The following DPP6 variants were observed in gnomAD, a reference collection of about 807,000 sequenced individuals.
DPP6 encodes A-type potassium channel modulatory protein DPP6.
Under a neutral mutation model 122.6 loss-of-function variants are expected in DPP6, and 69 were observed. That is an observed-to-expected ratio of 0.56 (90% CI 0.46 to 0.69). DPP6 has a LOEUF of 0.69. Ranked by LOEUF, DPP6 falls within the 30% of genes least tolerant of loss-of-function variation. The pLI is 0.00. For synonymous variants in DPP6, 418 were observed against 433.1 expected, an observed-to-expected ratio of 0.97 and a Z score of 0.43; for missense variants, 928 against 1,116.9, an observed-to-expected ratio of 0.83 and a Z score of 2.41.
rs138958405 is a variant in DPP6 at position 153,960,702 on chromosome 7, T to TGAATGTGC, written c.51+72975_51+72976insCGAATGTG. 3.9e-3 allele frequency among the ~76,000 whole-genome samples: 492 copies of TGAATGTGC among 124,924 alleles called. 2 individuals carry two copies. The highest frequency in any genetic ancestry group is 0.015 in the African/African-American group (482 of 32,366). The allele number at this position is 124,924 out of a possible 152,430, so 82.0% of individuals were successfully genotyped here. A position where few individuals can be genotyped will look rare whatever the true frequency, so the allele number is the denominator to read the frequency against. ...GTGTACATGCGTGTGCATGTGTGTG[T>TGAATGTGC]GAATGTGTGTGCATGCGTGTGTGTG... On this transcript the variant is annotated intron_variant, in intron 1 of 25. Transcript: ENST00000404039.
In DPP6 at chr7:154,127,349, C is replaced by G. The variant is rs375041659; in HGVS notation, c.243+74286C>G. Among the ~76,000 whole-genome samples, 9 of 152,100 alleles carry G rather than the reference C, an allele frequency of 5.9e-5. No individual in the cohort carries two copies. In the East Asian group the frequency reaches 9.6e-4, roughly 16 times the overall value. ...GAATACATTGCATTTGTTTTAGGTA[C>G]AGATAAGAGGCATTTTAGGTATAGA... On this transcript the variant is annotated intron_variant, in intron 1 of 25. Coordinates refer to ENST00000377770, the MANE Select transcript of DPP6 (RefSeq NM_130797.4).
chr7:154,891,077 A>G (rs1370691477), intron 25 of DPP6: 1 of 152,156 alleles, frequency 6.6e-6, no homozygotes. Context: ...AAAAGTTTTT[A>G]GAAAATAGCC....
rs79899331 is a variant in DPP6 at position 154,391,755 on chromosome 7, G to C, written c.244-54459G>C. The stretch of plus-strand genomic sequence containing the variant: ...ATGGTGAGGATAAAGTGTGGGTGCT[G>C]ATGAAGGCAGGATAGTGACCTGATG... On this transcript the variant is annotated intron_variant, in intron 1 of 25. Transcript: ENST00000377770. Among the ~76,000 whole-genome samples, 635 of 152,278 alleles carry C rather than the reference G, an allele frequency of 4.2e-3. 4 individuals are homozygous for C. Among genetic ancestry groups the C allele is most frequent in the African/African-American group, 0.014 (595 of 41,548 alleles).
intron 1 of DPP6, among the ~76,000 whole-genome samples, chr7:154,082,234 C>T (rs1242084024): frequency 6.6e-6 from 1 of 152,102 alleles, no homozygotes; most frequent in Non-Finnish European, 1.5e-5. Context: ...ATACTTTCAC[C>T]TGCCTGAGTT....
At position 154,062,977 on chromosome 7, in the gene DPP6, G is replaced by A. The variant is rs1191660634; in HGVS notation, c.243+9914G>A. Among the ~76,000 whole-genome samples the A allele has an allele frequency of 9.2e-5, 12 of 130,974 alleles. 2 individuals are homozygous for A. The highest frequency in any genetic ancestry group is 2.8e-4 in the South Asian group (1 of 3,576). The allele number at this position is 130,974 out of a possible 152,430, so 85.9% of individuals were successfully genotyped here. On this transcript the variant is annotated intron_variant, in intron 1 of 25. Transcript: ENST00000377770. ...AATCTTCCGACGGCAGGTACCTTAC[G>A]TGGAATTACTGAGAGCCAGTCCCTC...
intron 6 of DPP6, among the ~76,000 whole-genome samples, chr7:154,652,373 C>G (rs1387381827): frequency 1.4e-5 from 2 of 146,392 alleles, no homozygotes; most frequent in Non-Finnish European, 3.0e-5. Context: ...CTGTATTTTT[C>G]TTTAGTCTAA....
In DPP6 at chr7:153,944,584, G is replaced by T. The variant is rs1801852098; in HGVS notation, c.51+56850G>T. 2.6e-5 allele frequency among the ~76,000 whole-genome samples: 4 copies of T among 152,088 alleles called. 1 individual carries two copies. The highest frequency in any genetic ancestry group is 4.1e-4 in the South Asian group (2 of 4,822). The stretch of plus-strand genomic sequence containing the variant: ...GTGCCAGCACACAAGGAGGAGGCGG[G>T]TGTGGTGGGAGGCCTCACAACACAC... On this transcript the variant is annotated intron_variant, in intron 1 of 25. Coordinates refer to the DPP6 transcript ENST00000404039.
At chr7:154,684,811 G>A (rs1414019327) in intron 7 of DPP6, among the ~76,000 whole-genome samples, 1 of 152,252 alleles carries the variant, frequency 6.6e-6, no homozygotes, top group Non-Finnish European at 1.5e-5. Context: ...TGACTGTTTA[G>A]TGGAACTTGA....
chr7:153,938,395 T>C (rs557593667), intron 1 of DPP6, among the ~76,000 whole-genome samples: 6 of 152,288 alleles, frequency 3.9e-5, no homozygotes, highest in African/African-American at 1.4e-4. Context: ...ACTGAAATCC[T>C]TTTAGGAAAA....
In DPP6 at chr7:154,154,729, A is replaced by G. The variant is rs529795099; in HGVS notation, c.243+101666A>G. Among the ~76,000 whole-genome samples, 5 of 152,366 alleles carry G rather than the reference A, an allele frequency of 3.3e-5. No homozygotes were observed. The South Asian group carries it at 1.0e-3, about 32-fold the overall frequency. On this transcript the variant is annotated intron_variant, in intron 1 of 25. Coordinates refer to ENST00000377770, the MANE Select transcript of DPP6 (RefSeq NM_130797.4). The stretch of plus-strand genomic sequence containing the variant: ...CAAATATCTCCTAAGAAATGGCCAT[A>G]GAATGTATGAGATTTCTTTTTAAAA...
chr7:154,530,026 T>C lies in DPP6; in HGVS notation c.458-10506T>C, dbSNP rs1380559040. Among the ~76,000 whole-genome samples the C allele has an allele frequency of 2.6e-5, 4 of 151,014 alleles. 1 individual carries two copies. The highest frequency in any genetic ancestry group is 9.8e-5 in the African/African-American group (4 of 40,998). ...CTGTGGTCCCAGCTACATGGGAGGCTAAGGCAGGAGAATCGCTTGGACCTG... is the reference window on the plus strand; with the variant it reads ...CTGTGGTCCCAGCTACATGGGAGGCCAAGGCAGGAGAATCGCTTGGACCTG... On this transcript the variant is annotated intron_variant, in intron 3 of 25. Coordinates refer to ENST00000377770, the MANE Select transcript of DPP6 (RefSeq NM_130797.4).
At chr7:154,437,710 C>T (rs894225435) in intron 1 of DPP6, among the ~76,000 whole-genome samples, 4 of 152,096 alleles carry the variant, frequency 2.6e-5, no homozygotes, top group Admixed American at 6.6e-5. Context: ...CTGAGGTGGG[C>T]GGATCCCTTG....
intron 3 of DPP6, chr7:154,475,734 T>G (rs890215360): frequency 3.9e-5 from 6 of 152,552 alleles, no homozygotes; most frequent in African/African-American, 1.4e-4. Flanking sequence ...TACCCATCCC[T>G]CCACAGGCCA....
At chr7:154,718,157 C>T (rs879937599) in intron 7 of DPP6, among the ~76,000 whole-genome samples, 5 of 152,158 alleles carry the variant, frequency 3.3e-5, no homozygotes, top group African/African-American at 4.8e-5. Context: ...ACTAACCCCT[C>T]GTCAGATGCG....
intron 1 of DPP6, among the ~76,000 whole-genome samples, chr7:153,966,160 G>T (rs924861274): frequency 1.6e-5 from 2 of 124,840 alleles, no homozygotes; most frequent in Non-Finnish European, 3.4e-5. Context: ...GCGTTGAAAA[G>T]CTTCTCAGTT....
intron 7 of DPP6, among the ~76,000 whole-genome samples, chr7:154,681,107 A>T (rs1343620986): frequency 6.6e-6 from 1 of 151,704 alleles, no homozygotes; most frequent in East Asian, 1.9e-4. Flanking sequence ...CAAAAAAAAA[A>T]TGGTAAGTGA....
chr7:154,708,933 A>C (rs1482131309), intron 7 of DPP6, among the ~76,000 whole-genome samples: 1 of 152,136 alleles, frequency 6.6e-6, no homozygotes, highest in African/African-American at 2.4e-5. Context: ...CTGTAATCCC[A>C]GCTACTCAGG....
chr7:154,371,739 AC>A (rs1224100484), intron 1 of DPP6, among the ~76,000 whole-genome samples: 2 of 152,072 alleles, frequency 1.3e-5, no homozygotes. Flanking sequence ...CCAGGTGTAC[AC>A]CCGGGCAGAT....
intron 1 of DPP6, among the ~76,000 whole-genome samples, chr7:154,381,217 C>T (rs1226065566): frequency 6.6e-6 from 1 of 152,222 alleles, no homozygotes; most frequent in African/African-American, 2.4e-5. Context: ...ATGAAGCCAG[C>T]CCAAGGACCC....
Sources: allele counts gnomAD v4.1 joint callset (sites outside exome capture counted in the v4.1 genomes callset), GRCh38; gene constraint gnomAD v4.1.1; transcripts MANE v1.5; gene names NCBI Gene and HGNC (gene_info 2026-07-23, HGNC 2026-07-21).